The following PCCA variants were observed in gnomAD, a reference collection of about 807,000 sequenced individuals.
PCCA encodes propionyl-CoA carboxylase alpha chain, mitochondrial.
In PCCA, 74 loss-of-function variants were observed where a neutral mutation model predicts 101.3. The observed-to-expected ratio is 0.73, with a 90% CI of 0.61 to 0.89. The LOEUF is 0.89. Among genes scored for constraint, PCCA ranks in the 40% least tolerant of loss-of-function variants. PCCA has a pLI of 0.00. For synonymous variants in PCCA, 294 were observed against 313.6 expected (o/e 0.94, Z 0.66); for missense variants, 891 against 907.0 (o/e 0.98, Z 0.23).
chr13:100,093,290 G>A (rs2046441684), intron 1 of PCCA, among the ~76,000 whole-genome samples: 1 of 152,102 alleles, frequency 6.6e-6, no homozygotes, highest in African/African-American at 2.4e-5. Flanking sequence ...GAGCCCTGAC[G>A]GATATAGTGA....
At chr13:100,517,645 C>T (rs986726682) in intron 22 of PCCA, among the ~76,000 whole-genome samples, 11 of 152,124 alleles carry the variant, frequency 7.2e-5, no homozygotes, top group African/African-American at 2.7e-4. Context: ...CTGTCAGCTC[C>T]CTCCTAAGTT....
intron 21 of PCCA, among the ~76,000 whole-genome samples, chr13:100,457,337 G>C (rs547637859): frequency 1.3e-5 from 2 of 151,856 alleles, no homozygotes; most frequent in Non-Finnish European, 2.9e-5. Context: ...GCTATGAATG[G>C]AAGTGACTGT....
At chr13:100,494,650 T>A (rs891358794) in intron 21 of PCCA, among the ~76,000 whole-genome samples, 3 of 150,362 alleles carry the variant, frequency 2.0e-5, no homozygotes, top group African/African-American at 7.4e-5. Flanking sequence ...GCTATTGCAC[T>A]CTAGCCTGGG....
In PCCA at chr13:100,397,238, C is replaced by T. The variant is rs147986946; in HGVS notation, c.1747-28395C>T. On this transcript the variant is annotated intron_variant, in intron 19 of 23. Coordinates refer to ENST00000376285, the MANE Select transcript of PCCA (RefSeq NM_000282.4). Reference sequence around the variant, plus strand: ...ATCTGCATTGGCTGGGTCGAGGTGTCATCAAATCAGCCTAGGTTTGGATGT... The same window carrying T: ...ATCTGCATTGGCTGGGTCGAGGTGTTATCAAATCAGCCTAGGTTTGGATGT... Among the ~76,000 whole-genome samples the T allele has an allele frequency of 5.9e-3, 905 of 152,298 alleles. 24 individuals carry two copies. Among genetic ancestry groups the T allele is most frequent in the Admixed American group, 0.043 (660 of 15,298 alleles).
intron 9 of PCCA, 38 bp from the exon 10 acceptor site, chr13:100,262,691 T>G: frequency 1.8e-6 from 1 of 541,734 alleles, no homozygotes; most frequent in Non-Finnish European, 3.6e-6. Flanking sequence ...TTCCCCTCCC[T>G]CTCCCCCCCT....
intron 22 of PCCA, among the ~76,000 whole-genome samples, chr13:100,519,317 T>G (rs2087058963): frequency 6.6e-6 from 1 of 152,260 alleles, no homozygotes; most frequent in Non-Finnish European, 1.5e-5. Flanking sequence ...TGCTTTTTCT[T>G]GCGAATTAGC....
intron 6 of PCCA, among the ~76,000 whole-genome samples, chr13:100,188,208 G>A (rs1001249034): frequency 1.3e-5 from 2 of 152,160 alleles, no homozygotes; most frequent in African/African-American, 4.8e-5. Context: ...CAGGAGAATC[G>A]CTTGAAGCCG....
At chr13:100,259,575 T>C (rs1566812975) in intron 9 of PCCA, among the ~76,000 whole-genome samples, 1 of 152,032 alleles carries the variant, frequency 6.6e-6, no homozygotes, top group Non-Finnish European at 1.5e-5. Context: ...CATCATGATC[T>C]GCCTGCCTCG....
rs192310755 is a variant in PCCA, at chr13:100,483,462, C to G, written c.1900-31965C>G. Among the ~76,000 whole-genome samples, 16 of 152,324 alleles carry G rather than the reference C, an allele frequency of 1.1e-4. No individual in the cohort carries two copies. In the East Asian group the frequency reaches 3.1e-3, roughly 29 times the overall value. ...TTCCATTGCATCTTCAGCATGTGACCGTTTGTGCTGGCTCATTGGGAGTTC... is the reference window on the plus strand; with the variant it reads ...TTCCATTGCATCTTCAGCATGTGACGGTTTGTGCTGGCTCATTGGGAGTTC... On this transcript the variant is annotated intron_variant, in intron 21 of 23. Coordinates refer to ENST00000376285, the MANE Select transcript of PCCA (RefSeq NM_000282.4).
chr13:100,130,795 T>A (rs2050428084), intron 4 of PCCA, among the ~76,000 whole-genome samples: 1 of 152,166 alleles, frequency 6.6e-6, no homozygotes, highest in Non-Finnish European at 1.5e-5. Context: ...ATGTTACAGA[T>A]CCCCAGGCTG....
At chr13:100,274,198 G>T (rs991086224) in intron 12 of PCCA, among the ~76,000 whole-genome samples, 2 of 151,964 alleles carry the variant, frequency 1.3e-5, no homozygotes, top group African/African-American at 2.4e-5. Context: ...TTTGAATTAC[G>T]CATACCTAAG....
At chr13:100,332,931 A>G (rs1251646253) in intron 17 of PCCA, among the ~76,000 whole-genome samples, 2 of 152,202 alleles carry the variant, frequency 1.3e-5, no homozygotes, top group Non-Finnish European at 2.9e-5. Context: ...CCAGTAAGAT[A>G]ATAATGCCAG....
intron 16 of PCCA, among the ~76,000 whole-genome samples, chr13:100,320,550 G>A (rs534660116): frequency 6.6e-6 from 1 of 152,174 alleles, no homozygotes; most frequent in African/African-American, 2.4e-5. Flanking sequence ...GTTGAATTTT[G>A]TCAAAGGCCT....
At chr13:100,133,027 C>A (rs2050710232) in intron 4 of PCCA, among the ~76,000 whole-genome samples, 1 of 152,254 alleles carries the variant, frequency 6.6e-6, no homozygotes, top group Admixed American at 6.5e-5. Context: ...GATTCACCTG[C>A]CTCAGCCTCC....
At chr13:100,253,431 T>A (rs2061879978) in intron 8 of PCCA, among the ~76,000 whole-genome samples, 1 of 152,180 alleles carries the variant, frequency 6.6e-6, no homozygotes. Flanking sequence ...TTTAAACTGA[T>A]GAATACAAAT....
At chr13:100,193,629 A>G (rs926634398) in intron 6 of PCCA, among the ~76,000 whole-genome samples, 3 of 152,216 alleles carry the variant, frequency 2.0e-5, no homozygotes, top group African/African-American at 7.2e-5. Flanking sequence ...TGTTTCCTAC[A>G]GATAAACAAA....
At chr13:100,150,797 G>A in intron 4 of PCCA, 1 of 1,586,150 alleles carries the variant, frequency 6.3e-7, no homozygotes, top group Non-Finnish European at 8.6e-7. Flanking sequence ...CTCTGCAACG[G>A]ACTGAAGGCT....
intron 4 of PCCA, among the ~76,000 whole-genome samples, chr13:100,134,816 G>T (rs1172359464): frequency 6.6e-6 from 1 of 152,096 alleles, no homozygotes; most frequent in Non-Finnish European, 1.5e-5. Flanking sequence ...GGGATTACAG[G>T]TGTGAGCCAC....
chr13:100,196,611 T>C (rs1313745884), intron 6 of PCCA, among the ~76,000 whole-genome samples: 1 of 152,112 alleles, frequency 6.6e-6, no homozygotes, highest in Non-Finnish European at 1.5e-5. Context: ...ATCCCAGTAA[T>C]ACTGAAACAG....
Sources: gnomAD v4.1 joint callset for allele counts (sites outside exome capture counted in the v4.1 genomes callset) on GRCh38, gnomAD v4.1.1 for gene constraint, MANE v1.5 for transcripts, NCBI Gene and HGNC (gene_info 2026-07-23, HGNC 2026-07-21) for gene names.